PRICKLE2: variants seen among roughly 807,000 people sequenced by gnomAD.
PRICKLE2 encodes prickle planar cell polarity protein 2.
Under a neutral mutation model 81.4 loss-of-function variants are expected in PRICKLE2, and 21 were observed. The ratio of observed to expected loss-of-function variants is 0.26; its 90% confidence interval spans 0.18 to 0.37. The LOEUF (loss-of-function observed/expected upper bound fraction) is 0.37. Among genes scored for constraint, PRICKLE2 ranks in the 10% least tolerant of loss-of-function variants. PRICKLE2 has a pLI of 1.00. For synonymous variants in PRICKLE2, 456 were observed against 421.5 expected, an observed-to-expected ratio of 1.08 and a Z score of -1.00; for missense variants, 940 against 1,109.0, an observed-to-expected ratio of 0.85 and a Z score of 2.16.
At chr3:64,214,985 A>G (rs2078849884) in intron 1 of PRICKLE2, among the ~76,000 whole-genome samples, 1 of 152,028 alleles carries the variant, frequency 6.6e-6, no homozygotes, top group Non-Finnish European at 1.5e-5. Context: ...CTCCTGCTTG[A>G]GCTACTACAA....
At chr3:64,106,606 G>A (rs1334510345) in intron 7 of PRICKLE2, among the ~76,000 whole-genome samples, 3 of 152,318 alleles carry the variant, frequency 2.0e-5, no homozygotes, top group East Asian at 3.9e-4. Flanking sequence ...CTACACAGAC[G>A]AAGCTCAACT....
At chr3:64,126,196 GC>G (rs1410952142) in intron 7 of PRICKLE2, among the ~76,000 whole-genome samples, 1 of 152,170 alleles carries the variant, frequency 6.6e-6, no homozygotes, top group East Asian at 1.9e-4. Context: ...AGAATCTGAA[GC>G]TTTTTCTGGG....
chr3:64,254,368 G>A (rs1298859452), intron 2 of PRICKLE2, among the ~76,000 whole-genome samples: 1 of 152,080 alleles, frequency 6.6e-6, no homozygotes. Flanking sequence ...TCAGCTTCTG[G>A]CAAGAGGTAT....
At position 64,096,236 on chromosome 3, in the gene PRICKLE2, T is replaced by C. The variant is rs2076570886; in HGVS notation, c.*2815A>G. 3 of 152,258 alleles carry C rather than the reference T, an allele frequency of 2.0e-5. No homozygotes were observed. Among genetic ancestry groups the C allele is most frequent in the African/African-American group, 7.2e-5 (3 of 41,456 alleles). The allele number at this position is 152,258 out of a possible 1,614,324, so 9.4% of individuals were successfully genotyped here. On this transcript the variant is annotated 3_prime_UTR_variant, in exon 8 of 8. Transcript: ENST00000638394. ...GATTACTATTCTGGAAATCAGTCTC[T>C]TGAAGATGGAATTATGATCTAAGAG...
intron 2 of PRICKLE2, among the ~76,000 whole-genome samples, chr3:64,251,855 T>C (rs1462792053): frequency 6.6e-6 from 1 of 152,192 alleles, no homozygotes; most frequent in African/African-American, 2.4e-5. Flanking sequence ...GTTCATCAAA[T>C]ACTCAACAAA....
At chr3:64,123,100 T>G (rs1424772191) in intron 7 of PRICKLE2, among the ~76,000 whole-genome samples, 1 of 152,218 alleles carries the variant, frequency 6.6e-6, no homozygotes, top group African/African-American at 2.4e-5. Flanking sequence ...TTGATGGAAG[T>G]GCAACTGATC....
At chr3:64,151,608 T>C (rs2077548987) in intron 6 of PRICKLE2, among the ~76,000 whole-genome samples, 1 of 152,174 alleles carries the variant, frequency 6.6e-6, no homozygotes, top group Non-Finnish European at 1.5e-5. Context: ...TGGGCTGGTA[T>C]TCTGCACACA....
At chr3:64,174,767 T>C (rs1402682439) in intron 2 of PRICKLE2, 2 of 215,786 alleles carry the variant, frequency 9.3e-6, no homozygotes, top group Non-Finnish European at 2.0e-5. Flanking sequence ...TGTGAAGTTG[T>C]TGCAGTCTTA....
rs552838647 is a variant in PRICKLE2, at chr3:64,097,936, C to G, written c.*1115G>C. 6.5e-6 allele frequency: 1 copy of G among 152,708 alleles called. No homozygotes were observed. Among genetic ancestry groups the G allele is most frequent in the African/African-American group, 2.4e-5 (1 of 41,446 alleles). The allele number at this position is 152,708 out of a possible 1,614,324, so 9.5% of individuals were successfully genotyped here. A position where few individuals can be genotyped will look rare whatever the true frequency, so the allele number is the denominator to read the frequency against. On this transcript the variant is annotated 3_prime_UTR_variant, in exon 8 of 8. Transcript: ENST00000638394. ...GCATGACATGTCACACACCGTCCCT[C>G]GCAGAGCCCCCTCAGAATCCTTCTG... is the stretch of plus-strand genomic sequence containing the variant.
intron 7 of PRICKLE2, among the ~76,000 whole-genome samples, chr3:64,134,162 G>T (rs565711149): frequency 1.8e-4 from 27 of 152,308 alleles, no homozygotes; most frequent in Middle Eastern, 3.4e-3. Flanking sequence ...GGAAGCTGAG[G>T]GATTGAGAGA....
chr3:64,206,994 G>C (rs1233517500), intron 1 of PRICKLE2, among the ~76,000 whole-genome samples: 2 of 152,142 alleles, frequency 1.3e-5, no homozygotes, highest in Non-Finnish European at 2.9e-5. Flanking sequence ...CGACCTCCTG[G>C]GCTCAAGCAA....
At chr3:64,176,493 A>G (rs977707952) in intron 2 of PRICKLE2, among the ~76,000 whole-genome samples, 1 of 152,212 alleles carries the variant, frequency 6.6e-6, no homozygotes. Flanking sequence ...TTTAGAAAGC[A>G]AAGACAGAAG....
At chr3:64,184,614 C>T (rs55723062) in intron 2 of PRICKLE2, among the ~76,000 whole-genome samples, 25,939 of 151,548 alleles carry the variant, frequency 0.17, 2,450 homozygotes, top group Non-Finnish European at 0.2. Context: ...GCTGGGGCTA[C>T]AGGCCCACAC....
intron 2 of PRICKLE2, among the ~76,000 whole-genome samples, chr3:64,253,924 T>C (rs1419986546): frequency 6.6e-6 from 1 of 152,222 alleles, no homozygotes; most frequent in Non-Finnish European, 1.5e-5. Context: ...CATCAACGCC[T>C]GTGCACTGTC....
intron 7 of PRICKLE2, among the ~76,000 whole-genome samples, chr3:64,113,295 G>C (rs2076880294): frequency 6.6e-6 from 1 of 152,182 alleles, no homozygotes; most frequent in Non-Finnish European, 1.5e-5. Context: ...AGCCCTAGAA[G>C]AACTGTTGGA....
chr3:64,193,718 G>T lies in PRICKLE2; in HGVS notation c.144+5066C>A, dbSNP rs866049996. Among the ~76,000 whole-genome samples, 3 of 152,140 alleles carry T rather than the reference G, an allele frequency of 2.0e-5. No homozygotes were observed. The South Asian group carries it at 6.2e-4, about 32-fold the overall frequency. ...AGTGGGAGGTAATTGAATCATTGGG[G>T]CAGGTCTTTCCCATGATGGCCTCGT... On this transcript the variant is annotated intron_variant, in intron 2 of 7. Transcript: ENST00000638394.
intron 2 of PRICKLE2, among the ~76,000 whole-genome samples, chr3:64,164,194 C>T (rs1189868877): frequency 4.0e-5 from 6 of 151,858 alleles, no homozygotes; most frequent in Non-Finnish European, 5.9e-5. Flanking sequence ...CTGGCCAACA[C>T]GGTGAAACCC....
At chr3:64,144,660 C>T (rs2077416098) in intron 7 of PRICKLE2, among the ~76,000 whole-genome samples, 1 of 152,198 alleles carries the variant, frequency 6.6e-6, no homozygotes, top group African/African-American at 2.4e-5. Flanking sequence ...CATCTTAGAG[C>T]GCTACTCTTC....
chr3:64,229,079 C>T (rs2079067397), upstream of PRICKLE2, among the ~76,000 whole-genome samples: 1 of 152,116 alleles, frequency 6.6e-6, no homozygotes, highest in African/African-American at 2.4e-5. Flanking sequence ...GTCAAATTCA[C>T]CTTCTGCTAG....
Sources: gnomAD v4.1 joint callset for allele counts (sites outside exome capture counted in the v4.1 genomes callset) on GRCh38, gnomAD v4.1.1 for gene constraint, MANE v1.5 for transcripts, NCBI Gene and HGNC (gene_info 2026-07-23, HGNC 2026-07-21) for gene names.